The following WDFY4 variants were observed in gnomAD, a reference collection of about 807,000 sequenced individuals.
WDFY4 encodes the protein WDFY family member 4, also known as WD repeat- and FYVE domain-containing protein 4.
In WDFY4, 169 loss-of-function variants were observed where a neutral mutation model predicts 351.9. The observed-to-expected ratio is 0.48, with a 90% confidence interval of 0.42 to 0.55. The LOEUF (loss-of-function observed/expected upper bound fraction) is 0.55, where lower values mean the gene tolerates loss of function less well. Ranked by LOEUF, WDFY4 falls within the 20% of genes least tolerant of loss-of-function variation. The pLI, the probability that WDFY4 is intolerant of heterozygous loss-of-function variation, is 0.00. For synonymous variants in WDFY4, 1,622 were observed against 1,574.6 expected (o/e 1.03, Z -0.71); for missense variants, 3,803 against 3,935.6 (o/e 0.97, Z 0.90).
intron 33 of WDFY4, among the ~76,000 whole-genome samples, chr10:48,820,802 G>T (rs2132989938): frequency 6.6e-6 from 1 of 152,242 alleles, no homozygotes; most frequent in South Asian, 2.1e-4. Flanking sequence ...CCCAGGGCCG[G>T]CCCCACCTGT....
chr10:48,823,454 C>G, intron 35 of WDFY4: 1 of 1,190,474 alleles, frequency 8.4e-7, no homozygotes, highest in Non-Finnish European at 1.1e-6. Flanking sequence ...GCTCCCAGCA[C>G]CCTTCTGACT....
At position 48,788,811 on chromosome 10, in the gene WDFY4, C is replaced by T. The variant is rs2066582654; in HGVS notation, c.3954+136C>T. The T allele has an allele frequency of 2.4e-6, 3 of 1,232,050 alleles. 1 individual carries two copies. In the South Asian group the frequency reaches 5.5e-5, roughly 23 times the overall value. 76.3% of individuals were successfully genotyped at this position (1,232,050 alleles called of 1,614,324 possible). On this transcript the variant is annotated intron_variant, in intron 21 of 61. Transcript: ENST00000325239. Reference sequence around the variant, plus strand: ...ATACACAAATACATGTTTCCCACTTCATTTGTTAAAATATCCTATGCCTCC... The same window carrying T: ...ATACACAAATACATGTTTCCCACTTTATTTGTTAAAATATCCTATGCCTCC...
intron 38 of WDFY4, among the ~76,000 whole-genome samples, chr10:48,831,847 G>T (rs961045217): frequency 3.3e-5 from 5 of 152,126 alleles, no homozygotes; most frequent in Non-Finnish European, 5.9e-5. Flanking sequence ...AGAGACAGAA[G>T]GGCAAAAATG....
intron 19 of WDFY4, among the ~76,000 whole-genome samples, chr10:48,781,620 A>G (rs2066228893): frequency 6.6e-6 from 1 of 152,204 alleles, no homozygotes; most frequent in Admixed American, 6.5e-5. Flanking sequence ...TGACAGGGGC[A>G]TTGAAAGAAC....
chr10:48,759,044 T>C (rs1199538109), intron 12 of WDFY4, among the ~76,000 whole-genome samples: 1 of 151,934 alleles, frequency 6.6e-6, no homozygotes, highest in Non-Finnish European at 1.5e-5. Flanking sequence ...TGAATATATA[T>C]ATATATATCT....
At chr10:48,729,359 T>C in intron 7 of WDFY4, 73 bp from the exon 8 acceptor site, 1 of 1,523,046 alleles carries the variant, frequency 6.6e-7, no homozygotes, top group South Asian at 1.3e-5. Flanking sequence ...CTCTGTCTCC[T>C]TGAGAGCACC....
chr10:48,943,127 T>C (rs1043159847), intron 48 of WDFY4, among the ~76,000 whole-genome samples: 3 of 152,166 alleles, frequency 2.0e-5, no homozygotes, highest in Admixed American at 6.5e-5. Flanking sequence ...TTGCTGACTT[T>C]GCTTCCCGAA....
At chr10:48,908,180 T>C (rs566442356) in intron 47 of WDFY4, among the ~76,000 whole-genome samples, 2 of 152,356 alleles carry the variant, frequency 1.3e-5, no homozygotes, top group South Asian at 2.1e-4. Context: ...CCAGTCACTG[T>C]AGCAAGCCTG....
chr10:48,846,168 T>C (rs1170306597), intron 39 of WDFY4, among the ~76,000 whole-genome samples: 1 of 152,268 alleles, frequency 6.6e-6, no homozygotes, highest in Non-Finnish European at 1.5e-5. Context: ...CTTGTGTAGC[T>C]GACCCCAGCT....
chr10:48,977,029 T>C, intron 59 of WDFY4, 50 bp downstream of exon 59: 1 of 1,302,006 alleles, frequency 7.7e-7, no homozygotes, highest in African/African-American at 1.5e-5. Context: ...AACGTGTTCA[T>C]CTCCATTCTT....
intron 39 of WDFY4, among the ~76,000 whole-genome samples, chr10:48,835,766 C>A (rs2133090022): frequency 6.6e-6 from 1 of 152,352 alleles, no homozygotes; most frequent in East Asian, 1.9e-4. Flanking sequence ...CCACTGACCC[C>A]ACTTTCCCTT....
intron 23 of WDFY4, among the ~76,000 whole-genome samples, chr10:48,793,013 A>G (rs74823241): frequency 6.6e-6 from 1 of 152,216 alleles, no homozygotes; most frequent in African/African-American, 2.4e-5. Context: ...TTTTGTTAAA[A>G]AAGGAAGCTC....
intron 40 of WDFY4, among the ~76,000 whole-genome samples, chr10:48,873,034 T>C (rs2069844920): frequency 6.6e-6 from 1 of 152,152 alleles, no homozygotes; most frequent in South Asian, 2.1e-4. Context: ...CCACTCCAGT[T>C]CAGGCAACTG....
rs370963450 is a variant in WDFY4, at chr10:48,781,469, T to A, written c.3576+1350T>A. Among the ~76,000 whole-genome samples the A allele has an allele frequency of 5.9e-5, 9 of 152,202 alleles. No homozygotes were observed. The South Asian group carries it at 1.7e-3, about 28-fold the overall frequency. On this transcript the variant is annotated intron_variant, in intron 19 of 61. Coordinates refer to ENST00000325239, the MANE Select transcript of WDFY4 (RefSeq NM_001394531.1). ...CCACCACCATGCCCACTAATTTTTG[T>A]ATTTTTAGTAGAGACGGGGTTTCAC...
At chr10:48,868,430 T>C (rs2620884) in intron 40 of WDFY4, among the ~76,000 whole-genome samples, 85,439 of 151,908 alleles carry the variant, frequency 0.56, 25,332 homozygotes, top group African/African-American at 0.75. Flanking sequence ...CACAGACCCT[T>C]TGGTTGGACA....
chr10:48,745,487 G>C (rs559499966), intron 12 of WDFY4: 1 of 262,636 alleles, frequency 3.8e-6, no homozygotes, highest in East Asian at 1.0e-4. Flanking sequence ...TTTAAAGTCG[G>C]CTTGAAATAT....
At chr10:48,850,870 C>T (rs982643847) in intron 39 of WDFY4, among the ~76,000 whole-genome samples, 3 of 152,196 alleles carry the variant, frequency 2.0e-5, no homozygotes, top group Admixed American at 1.3e-4. Flanking sequence ...CTTCATCATG[C>T]CACTACCTAT....
chr10:48,885,967 T>C (rs966651580), intron 43 of WDFY4, among the ~76,000 whole-genome samples: 1 of 152,198 alleles, frequency 6.6e-6, no homozygotes, highest in Admixed American at 6.5e-5. Context: ...AGAATACTTA[T>C]TCCATATGCC....
chr10:48,896,265 G>C (rs759203126), intron 44 of WDFY4, among the ~76,000 whole-genome samples: 1 of 152,236 alleles, frequency 6.6e-6, no homozygotes, highest in Non-Finnish European at 1.5e-5. Context: ...ATGGATGCTG[G>C]GAGCACAGAT....
Sources: allele counts gnomAD v4.1 joint callset (sites outside exome capture counted in the v4.1 genomes callset), GRCh38; gene constraint gnomAD v4.1.1; transcripts MANE v1.5; gene names NCBI Gene and HGNC (gene_info 2026-07-23, HGNC 2026-07-21).